Variants in CCDC171 observed in about 807,000 individuals in gnomAD.
CCDC171 encodes the protein coiled-coil domain-containing protein 171.
In CCDC171, 177 loss-of-function variants were observed where a neutral mutation model predicts 168.2. That is an observed-to-expected ratio of 1.05 (90% CI 0.93 to 1.19). The LOEUF is 1.19. Among genes scored for constraint, CCDC171 ranks in the 50% most tolerant of loss-of-function variants. The probability of loss-of-function intolerance (pLI) is 0.00; values close to 1 mark genes in which losing one functional copy is unlikely to be tolerated. For missense variants in CCDC171, 1,991 were observed against 1,539.0 expected (o/e 1.29, Z -4.91); for synonymous variants, 687 against 540.8 (o/e 1.27, Z -3.75).
In CCDC171 at chr9:15,652,487, C is replaced by G. The variant is rs80195573; in HGVS notation, c.823-4640C>G. ...TTGAGACAGAGTCTGGCTCTGTCAC[C>G]TGGCTGAATCTTTGCTTACTGTAAC... On this transcript the variant is annotated intron_variant, in intron 7 of 25. Coordinates refer to ENST00000380701, the MANE Select transcript of CCDC171 (RefSeq NM_173550.4). Among the ~76,000 whole-genome samples, 241 of 151,712 alleles carry G rather than the reference C, an allele frequency of 1.6e-3. 1 individual carries two copies. Among genetic ancestry groups the G allele is most frequent in the Admixed American group, 3.2e-3 (49 of 15,218 alleles).
chr9:15,597,851 A>G (rs9406518), intron 6 of CCDC171, among the ~76,000 whole-genome samples: 9,563 of 152,172 alleles, frequency 0.063, 419 homozygotes, highest in African/African-American at 0.12. Context: ...CAGAGATTCA[A>G]CTTCTTCCTG....
chr9:15,665,717 G>A (rs1158573912), intron 8 of CCDC171, among the ~76,000 whole-genome samples: 1 of 152,204 alleles, frequency 6.6e-6, no homozygotes, highest in East Asian at 1.9e-4. Context: ...GGAATTCAAG[G>A]CTGCAGTGAG....
At chr9:16,015,984 C>T (rs112471750) in intron 3 of CCDC171, among the ~76,000 whole-genome samples, 2,656 of 152,290 alleles carry the variant, frequency 0.017, 73 homozygotes, top group African/African-American at 0.059. Context: ...TCCCATTGTA[C>T]GTACATAACA....
At chr9:15,965,014 C>T (rs1053996523) in intron 25 of CCDC171, among the ~76,000 whole-genome samples, 1 of 152,160 alleles carries the variant, frequency 6.6e-6, no homozygotes, top group African/African-American at 2.4e-5. Context: ...CTTCCAGCCT[C>T]GGCCTCCCAA....
At chr9:16,066,592 C>G (rs1318134361), downstream of CCDC171, among the ~76,000 whole-genome samples, 1 of 145,150 alleles carries the variant, frequency 6.9e-6, no homozygotes, top group Non-Finnish European at 1.5e-5. Flanking sequence ...GGTATATCTC[C>G]CGATGCTATC....
intron 25 of CCDC171, among the ~76,000 whole-genome samples, chr9:15,925,859 T>A (rs1234323313): frequency 6.6e-6 from 1 of 151,704 alleles, no homozygotes; most frequent in East Asian, 1.9e-4. Context: ...GAATGTGTGC[T>A]CATTTCCTTT....
At chr9:16,010,462 A>C (rs1215942791) in intron 3 of CCDC171, among the ~76,000 whole-genome samples, 2 of 152,090 alleles carry the variant, frequency 1.3e-5, no homozygotes, top group African/African-American at 2.4e-5. Flanking sequence ...GGGGGCAGCC[A>C]TATGTGTCTC....
At chr9:16,078,959 G>C in the CCDC171 span, among the ~76,000 whole-genome samples, 1 of 152,112 alleles carries the variant, frequency 6.6e-6, no homozygotes, top group Non-Finnish European at 1.5e-5. Context: ...GCCTTGAAGG[G>C]GTCACCACTA....
chr9:15,725,903 ATT>A (rs1252890915), intron 14 of CCDC171, among the ~76,000 whole-genome samples: 1 of 152,164 alleles, frequency 6.6e-6, no homozygotes, highest in Non-Finnish European at 1.5e-5. Flanking sequence ...TTGCCTACCC[ATT>A]TATGTTTATT....
At chr9:15,845,430 A>G (rs1226099321) in intron 21 of CCDC171, among the ~76,000 whole-genome samples, 2 of 152,070 alleles carry the variant, frequency 1.3e-5, no homozygotes, top group African/African-American at 4.8e-5. Flanking sequence ...TGAATTTTAA[A>G]ACTTTCAACA....
At chr9:15,678,720 A>C in intron 9 of CCDC171, 38 bp from the exon 10 acceptor site, 3 of 1,546,892 alleles carry the variant, frequency 1.9e-6, no homozygotes, top group Non-Finnish European at 2.6e-6. Context: ...TGATGTAAGC[A>C]TGTTTGAAAA....
At position 15,828,311 on chromosome 9, in the gene CCDC171, A is replaced by C. The variant is rs566176574; in HGVS notation, c.3268-18391A>C. Among the ~76,000 whole-genome samples the C allele has an allele frequency of 2.5e-4, 33 of 132,312 alleles. 1 individual carries two copies. Among genetic ancestry groups the C allele is most frequent in the Admixed American group, 8.5e-5 (1 of 11,724 alleles). 86.8% of individuals were successfully genotyped at this position (132,312 alleles called of 152,430 possible). A position where few individuals can be genotyped will look rare whatever the true frequency, so the allele number is the denominator to read the frequency against. On this transcript the variant is annotated intron_variant, in intron 21 of 25. Coordinates refer to ENST00000380701, the MANE Select transcript of CCDC171 (RefSeq NM_173550.4). ...TAGGAAAGATCTAAATTTGGAAGGC[A>C]GGAGGTAAAAGAGAAGATACAGAAA...
At position 15,663,235 on chromosome 9, in the gene CCDC171, G is replaced by A. The variant is rs758591910; in HGVS notation, c.916-2928G>A. On this transcript the variant is annotated intron_variant, in intron 8 of 25. Transcript: ENST00000380701. ...CTAATATCTGTTATGTTTGCACAGCGTCAAACCCAAGTTTTATGGTTCTAA... is the reference window on the plus strand; with the variant it reads ...CTAATATCTGTTATGTTTGCACAGCATCAAACCCAAGTTTTATGGTTCTAA... Among the ~76,000 whole-genome samples, 9 of 152,164 alleles carry A rather than the reference G, an allele frequency of 5.9e-5. No individual in the cohort carries two copies. The South Asian group carries it at 8.3e-4, about 14-fold the overall frequency.
chr9:15,998,692 C>T (rs1832443096), intron 3 of CCDC171, among the ~76,000 whole-genome samples: 1 of 152,146 alleles, frequency 6.6e-6, no homozygotes, highest in Non-Finnish European at 1.5e-5. Flanking sequence ...CACCCTGCTA[C>T]CCAGGATTGT....
At chr9:16,055,684 T>C (rs1833828525) in intron 1 of CCDC171, among the ~76,000 whole-genome samples, 1 of 152,254 alleles carries the variant, frequency 6.6e-6, no homozygotes, top group South Asian at 2.1e-4. Context: ...ATGTTGGCCT[T>C]ACCTTGCATC....
intron 21 of CCDC171, among the ~76,000 whole-genome samples, chr9:15,812,508 G>A (rs1438292551): frequency 6.6e-6 from 1 of 151,940 alleles, no homozygotes; most frequent in Non-Finnish European, 1.5e-5. Context: ...ACAAAATTTG[G>A]GCCCTCAAAT....
At chr9:15,980,200 T>C (rs1356990650) in intron 3 of CCDC171, among the ~76,000 whole-genome samples, 1 of 152,214 alleles carries the variant, frequency 6.6e-6, no homozygotes, top group African/African-American at 2.4e-5. Flanking sequence ...ATTTTGACTT[T>C]ACCTTTGTAG....
intron 11 of CCDC171, among the ~76,000 whole-genome samples, chr9:15,702,979 C>T (rs544930256): frequency 6.6e-6 from 1 of 151,692 alleles, no homozygotes; most frequent in East Asian, 2.0e-4. Context: ...TCTCTGCTCA[C>T]TGCAACCTCC....
intron 3 of CCDC171, among the ~76,000 whole-genome samples, chr9:15,981,513 T>C (rs1831794804): frequency 6.6e-6 from 1 of 152,186 alleles, no homozygotes; most frequent in Admixed American, 6.5e-5. Context: ...AGTGAAAGTG[T>C]CTAATTAATA....
Sources: allele counts gnomAD v4.1 joint callset (sites outside exome capture counted in the v4.1 genomes callset), GRCh38; gene constraint gnomAD v4.1.1; transcripts MANE v1.5; gene names NCBI Gene and HGNC (gene_info 2026-07-23, HGNC 2026-07-21).